UACA: variants seen among roughly 807,000 people sequenced by gnomAD.
The protein encoded by UACA is uveal autoantigen with coiled-coil domains and ankyrin repeats, also known as nuclear membrane binding protein.
Under a neutral mutation model 160.5 loss-of-function variants are expected in UACA, and 112 were observed. The ratio of observed to expected loss-of-function variants is 0.70; its 90% CI spans 0.60 to 0.82. UACA has a LOEUF of 0.82. Ranked by LOEUF, UACA falls within the 40% of genes least tolerant of loss-of-function variation. The pLI is 0.00. For missense variants in UACA, 1,574 were observed against 1,614.6 expected, an observed-to-expected ratio of 0.97 and a Z score of 0.43; for synonymous variants, 557 against 568.4, an observed-to-expected ratio of 0.98 and a Z score of 0.29.
At chr15:70,737,623 G>A (rs985072690) in intron 1 of UACA, among the ~76,000 whole-genome samples, 2 of 152,112 alleles carry the variant, frequency 1.3e-5, no homozygotes, top group Non-Finnish European at 2.9e-5. Context: ...CAGGAGAATC[G>A]CTTGAACCAA....
intron 1 of UACA, among the ~76,000 whole-genome samples, chr15:70,742,768 T>C (rs145844282): frequency 6.0e-4 from 91 of 152,348 alleles, no homozygotes; most frequent in African/African-American, 2.0e-3. Context: ...TTTTTTTCAC[T>C]CATGAGATTT....
the UACA span, among the ~76,000 whole-genome samples, chr15:70,773,895 G>A: frequency 6.6e-6 from 1 of 152,158 alleles, no homozygotes; most frequent in Non-Finnish European, 1.5e-5. Context: ...TAATTTCTCA[G>A]TCTTTCTACT....
intron 1 of UACA, among the ~76,000 whole-genome samples, chr15:70,723,826 G>A (rs936026009): frequency 6.6e-6 from 1 of 151,938 alleles, no homozygotes; most frequent in African/African-American, 2.4e-5. Context: ...TAGAGACGGG[G>A]TTTCATCATG....
At chr15:70,713,514 A>C (rs997082687) in intron 1 of UACA, among the ~76,000 whole-genome samples, 1 of 152,220 alleles carries the variant, frequency 6.6e-6, no homozygotes, top group Admixed American at 6.5e-5. Flanking sequence ...AAGAAGGCCA[A>C]TGTAGCTGAT....
rs1762526747 is a variant in UACA at position 70,656,515 on chromosome 15, G to GA, written c.*540dup. 1 of 152,102 alleles carries GA rather than the reference G, an allele frequency of 6.6e-6. No individual in the cohort carries two copies. The highest frequency in any genetic ancestry group is 2.4e-5 in the African/African-American group (1 of 41,504). 9.4% of individuals were successfully genotyped at this position (152,102 alleles called of 1,614,324 possible). A position where few individuals can be genotyped will look rare whatever the true frequency, so the allele number is the denominator to read the frequency against. Reference sequence around the variant, plus strand: ...GGCATAAAAGTTATTAGTGTAAAAAGAAAAAATATCTATACCTACAAAAAA... The same window carrying GA: ...GGCATAAAAGTTATTAGTGTAAAAAGAAAAAAATATCTATACCTACAAAAAA... On this transcript the variant is annotated 3_prime_UTR_variant, in exon 19 of 19. Transcript: ENST00000322954.
At chr15:70,758,923 C>G (rs1352953242) in intron 1 of UACA, 3 of 152,224 alleles carry the variant, frequency 2.0e-5, no homozygotes, top group African/African-American at 4.8e-5. Context: ...GGGTTTCCCT[C>G]TATCACCCAG....
At chr15:70,716,234 G>A (rs770839363) in intron 1 of UACA, among the ~76,000 whole-genome samples, 2 of 152,160 alleles carry the variant, frequency 1.3e-5, no homozygotes, top group East Asian at 1.9e-4. Context: ...TTGAGGGTAG[G>A]AGAGCATGAC....
chr15:70,670,644 A>C (rs903551198), intron 15 of UACA, among the ~76,000 whole-genome samples: 8 of 152,108 alleles, frequency 5.3e-5, no homozygotes, highest in African/African-American at 1.9e-4. Context: ...ACTGTTAGTT[A>C]AATCTGAACT....
At chr15:70,671,518 G>C (rs567063143) in intron 14 of UACA, 1 of 158,310 alleles carries the variant, frequency 6.3e-6, no homozygotes, top group African/African-American at 2.4e-5. Flanking sequence ...AGATTTTCTA[G>C]AGAAACTGTT....
chr15:70,772,843 C>T, the UACA span, among the ~76,000 whole-genome samples: 1 of 152,074 alleles, frequency 6.6e-6, no homozygotes, highest in Non-Finnish European at 1.5e-5. Context: ...AATTCCAGCA[C>T]TTTGGGAGGC....
Position 70,666,971 on chromosome 15 carries a change from G to A in UACA, c.3713C>T (p.Thr1238Ile). Residue 1238 changes from threonine to isoleucine, a missense_variant, in exon 16 of 19, where the codon ACA becomes ATA. Transcript: ENST00000322954. ...KYKATKSDLE[T>I]QISSLNEKLA... is the part of the protein sequence containing the mutation. ...TTTTTCATTTAAGCTAGAAATCTGT[G>A]TCTCCAAATCACTTTTTGTTGCTTT... 1 of 1,612,402 alleles carries A rather than the reference G, an allele frequency of 6.2e-7. No individual in the cohort carries two copies. Among genetic ancestry groups the A allele is most frequent in the Non-Finnish European group, 8.5e-7 (1 of 1,179,742 alleles).
Position 70,676,473 on chromosome 15 carries a change from A to G in UACA, c.1131+20T>C. The G allele has an allele frequency of 6.6e-7, 1 of 1,523,478 alleles. No homozygotes were observed. The highest frequency in any genetic ancestry group is 1.1e-5 in the South Asian group (1 of 88,326). 94.4% of individuals were successfully genotyped at this position (1,523,478 alleles called of 1,614,324 possible). A position where few individuals can be genotyped will look rare whatever the true frequency, so the allele number is the denominator to read the frequency against. ...CATTACCCATTATGAATTACAGGAA[A>G]TAATTTATCCTTTCTATACCTCAAA... is the stretch of plus-strand genomic sequence containing the variant. On this transcript the variant is annotated intron_variant, in intron 13 of 18. Coordinates refer to ENST00000322954, the MANE Select transcript of UACA (RefSeq NM_018003.4).
chr15:70,726,575 C>T (rs947181344), intron 1 of UACA, among the ~76,000 whole-genome samples: 1 of 152,122 alleles, frequency 6.6e-6, no homozygotes, highest in African/African-American at 2.4e-5. Context: ...GATCACAAAG[C>T]TCAGCATCCT....
intron 1 of UACA, chr15:70,703,180 C>T (rs1378961992): frequency 3.9e-6 from 5 of 1,288,906 alleles, no homozygotes; most frequent in Non-Finnish European, 5.1e-6. Flanking sequence ...TTTGTGGTGG[C>T]TGTTGTTGTT....
chr15:70,669,115 A>C lies in UACA; in HGVS notation c.1569T>G (p.Leu523=). ...VKQMQTHFLA[L]KEHLTSEAAS... ...CTGCTTCACTTGTTAAGTGTTCTTT[A>C]AGGGCAAGAAAATGGGTCTGCATTT... is the stretch of plus-strand genomic sequence containing the variant. Residue 523 remains leucine, a synonymous_variant, in exon 16 of 19, where the codon CTT becomes CTG. Coordinates refer to ENST00000322954, the MANE Select transcript of UACA (RefSeq NM_018003.4). 2 of 1,614,102 alleles carry C rather than the reference A, an allele frequency of 1.2e-6. No individual in the cohort carries two copies. The highest frequency in any genetic ancestry group is 4.5e-5 in the East Asian group (2 of 44,880).
chr15:70,751,723 T>C (rs1227683766), intron 1 of UACA, among the ~76,000 whole-genome samples: 5 of 152,202 alleles, frequency 3.3e-5, no homozygotes, highest in African/African-American at 1.2e-4. Flanking sequence ...TGCACCTTCA[T>C]GCTGCTCCAG....
upstream of UACA, among the ~76,000 whole-genome samples, chr15:70,767,261 AAACAAAAAC>A (rs2031036101): frequency 4.8e-5 from 6 of 124,288 alleles, no homozygotes; most frequent in South Asian, 2.2e-4. Flanking sequence ...AAAAAACAAA[AAACAAAAAC>A]AAAAACAACA....
intron 11 of UACA, 111 bp from the exon 12 acceptor site, chr15:70,677,251 C>A: frequency 2.7e-6 from 2 of 736,950 alleles, no homozygotes; most frequent in Non-Finnish European, 4.5e-6. Context: ...AAGACTAGGG[C>A]CAAGGATATG....
At chr15:70,777,824 G>A in the UACA span, among the ~76,000 whole-genome samples, 1 of 152,312 alleles carries the variant, frequency 6.6e-6, no homozygotes, top group Admixed American at 6.5e-5. Flanking sequence ...CTGCGACGGG[G>A]AGGGAGGAAA....
Sources: allele counts gnomAD v4.1 joint callset (sites outside exome capture counted in the v4.1 genomes callset), GRCh38; gene constraint gnomAD v4.1.1; transcripts MANE v1.5; gene names NCBI Gene and HGNC (gene_info 2026-07-23, HGNC 2026-07-21).